The following VWDE variants were observed in gnomAD, a reference collection of about 807,000 sequenced individuals.
VWDE encodes the protein von Willebrand factor D and EGF domains.
A neutral mutation model predicts 178.4 loss-of-function variants in VWDE; 207 were observed. The observed-to-expected ratio is 1.16, with a 90% CI of 1.04 to 1.30. The LOEUF is 1.30. VWDE is among the 50% of genes most tolerant of loss of function. The pLI is 0.00. For synonymous variants in VWDE, 738 were observed against 651.4 expected, an observed-to-expected ratio of 1.13 and a Z score of -2.02; for missense variants, 2,287 against 1,901.3, an observed-to-expected ratio of 1.20 and a Z score of -3.77.
chr7:12,385,498 G>A (rs778151957), intron 3 of VWDE, among the ~76,000 whole-genome samples: 22 of 152,102 alleles, frequency 1.4e-4, no homozygotes, highest in Admixed American at 3.3e-4. Context: ...CTTTTATCCT[G>A]TCTAAATGCA....
At chr7:12,367,522 C>A in intron 12 of VWDE, 29 bp from the exon 13 acceptor site, 1 of 1,433,342 alleles carries the variant, frequency 7.0e-7, no homozygotes, top group Non-Finnish European at 9.2e-7. Flanking sequence ...ACAAATACTA[C>A]ATATTTTACT....
chr7:12,403,751 G>C lies in VWDE; in HGVS notation c.-35C>G. ...CGCAGGTGGGGCGAAAGGCGTCGCA[G>C]AGCCCGGGCCGCGGGTGCCAGGAGG... is the stretch of plus-strand genomic sequence containing the variant. On this transcript the variant is annotated 5_prime_UTR_variant, in exon 1 of 29. Coordinates refer to ENST00000275358, the MANE Select transcript of VWDE (RefSeq NM_001135924.3). 1 of 1,549,308 alleles carries C rather than the reference G, an allele frequency of 6.5e-7. No individual in the cohort carries two copies. Among genetic ancestry groups the C allele is most frequent in the Non-Finnish European group, 8.7e-7 (1 of 1,145,696 alleles).
At chr7:12,351,915 T>C (rs1220019261) in intron 18 of VWDE, among the ~76,000 whole-genome samples, 2 of 152,188 alleles carry the variant, frequency 1.3e-5, no homozygotes, top group Non-Finnish European at 2.9e-5. Flanking sequence ...GTTAAATCCC[T>C]ACTCCTACAT....
intron 16 of VWDE, 120 bp downstream of exon 16, chr7:12,359,453 TAGGAG>T: frequency 1.7e-6 from 1 of 598,130 alleles, no homozygotes; most frequent in Admixed American, 3.0e-5. Context: ...ATTTTGCAGT[TAGGAG>T]AGATGCTAAA....
chr7:12,391,663 A>G (rs545961988), intron 2 of VWDE, among the ~76,000 whole-genome samples: 90 of 152,344 alleles, frequency 5.9e-4, no homozygotes, highest in African/African-American at 2.1e-3. Context: ...CAAATAAACA[A>G]AAAAGAGATA....
intron 1 of VWDE, among the ~76,000 whole-genome samples, chr7:12,396,780 A>T (rs1401581390): frequency 6.6e-6 from 1 of 151,890 alleles, no homozygotes; most frequent in Non-Finnish European, 1.5e-5. Flanking sequence ...ATACAAAAAT[A>T]CAAAATCAGC....
At chr7:12,402,447 T>C (rs1321931184) in intron 1 of VWDE, among the ~76,000 whole-genome samples, 2 of 152,212 alleles carry the variant, frequency 1.3e-5, no homozygotes, top group Non-Finnish European at 2.9e-5. Context: ...GTTACCAATG[T>C]TATGAACTTA....
In VWDE at chr7:12,333,615, C is replaced by T. The variant is rs563781382; in HGVS notation, c.4655-47G>A. 1.8e-5 allele frequency: 23 copies of T among 1,310,116 alleles called. No homozygotes were observed. The East Asian group carries it at 5.3e-4, about 30-fold the overall frequency. 81.2% of individuals were successfully genotyped at this position (1,310,116 alleles called of 1,614,324 possible). A position where few individuals can be genotyped will look rare whatever the true frequency, so the allele number is the denominator to read the frequency against. ...AATGACCATCCTTTGACATGAAATG[C>T]TTGTGGCATATTCTATCCTAGTGGT... is the stretch of plus-strand genomic sequence containing the variant. On this transcript the variant is annotated intron_variant, in intron 27 of 28. Transcript: ENST00000275358.
At chr7:12,386,274 G>GCAT (rs1477240004) in intron 3 of VWDE, among the ~76,000 whole-genome samples, 1 of 151,900 alleles carries the variant, frequency 6.6e-6, no homozygotes, top group Non-Finnish European at 1.5e-5. Flanking sequence ...TGAGATTGAT[G>GCAT]CATCTCTCTG....
chr7:12,373,297 A>G lies in VWDE; in HGVS notation c.1317-50T>C, dbSNP rs1385686681. Reference sequence around the variant, plus strand: ...ATTAAAAAATCGTGTAAAATATCACAATAGTATGTTATTGATTTGCAACAG... The same window carrying G: ...ATTAAAAAATCGTGTAAAATATCACGATAGTATGTTATTGATTTGCAACAG... On this transcript the variant is annotated intron_variant, in intron 9 of 28. Transcript: ENST00000275358. 8 of 1,518,792 alleles carry G rather than the reference A, an allele frequency of 5.3e-6. 1 individual carries two copies. In the South Asian group the frequency reaches 6.1e-5, roughly 12 times the overall value. The allele number at this position is 1,518,792 out of a possible 1,614,324, so 94.1% of individuals were successfully genotyped here. A position where few individuals can be genotyped will look rare whatever the true frequency, so the allele number is the denominator to read the frequency against.
chr7:12,341,129 TTTTTATAA>T (rs1414818801), intron 23 of VWDE, among the ~76,000 whole-genome samples: 10 of 152,016 alleles, frequency 6.6e-5, no homozygotes, highest in African/African-American at 9.7e-5. Context: ...ATCATAGTCT[TTTTTATAA>T]TTTTATAATT....
At chr7:12,352,807 G>C (rs1239290788) in intron 18 of VWDE, among the ~76,000 whole-genome samples, 1 of 152,018 alleles carries the variant, frequency 6.6e-6, no homozygotes, top group East Asian at 1.9e-4. Flanking sequence ...TTAAACCAAA[G>C]GTATGGATCT....
At chr7:12,397,982 C>A (rs556250518) in intron 1 of VWDE, among the ~76,000 whole-genome samples, 156 of 152,264 alleles carry the variant, frequency 1.0e-3, no homozygotes, top group African/African-American at 3.6e-3. Context: ...TTAAATCAGT[C>A]ACTATGAAAA....
At position 12,375,112 on chromosome 7, in the gene VWDE, G is replaced by C. The variant is rs1159018761; in HGVS notation, c.1140C>G (p.Val380=). The part of the protein sequence containing the change: ...CSHTFVYYTA[V]TDFSRDGDRV... Reference sequence around the variant, plus strand: ...TATCTCCATCTCGAGAAAAATCTGTGACAGCAGTGTAGTACACAAAAGTGT... The same window carrying C: ...TATCTCCATCTCGAGAAAAATCTGTCACAGCAGTGTAGTACACAAAAGTGT... The change falls in exon 8 of 29, where the codon GTC becomes GTG. Residue 380 remains valine (V), a synonymous_variant. Transcript: ENST00000275358. The C allele has an allele frequency of 1.3e-6, 2 of 1,551,184 alleles. No individual in the cohort carries two copies. Among genetic ancestry groups the C allele is most frequent in the Admixed American group, 3.9e-5 (2 of 50,972 alleles).
In VWDE at chr7:12,367,431, A is replaced by G; in HGVS notation, c.2824T>C (p.Cys942Arg). 1 of 1,546,670 alleles carries G rather than the reference A, an allele frequency of 6.5e-7. No homozygotes were observed. The highest frequency in any genetic ancestry group is 8.7e-7 in the Non-Finnish European group (1 of 1,144,428). The change falls in exon 13 of 29, where the codon TGT becomes CGT. Residue 942 changes from cysteine (C) to arginine (R), a missense_variant. Coordinates refer to ENST00000275358, the MANE Select transcript of VWDE (RefSeq NM_001135924.3). ...TTGCCAAAAACTCTCACCATCATACAATTATATTTTTGAACATCACAGAAT... is the reference window on the plus strand; with the variant it reads ...TTGCCAAAAACTCTCACCATCATACGATTATATTTTTGAACATCACAGAAT... ...AGFCDVQKYN[C>R]MMVRVFGKGF...
rs1340821558 is a variant in VWDE at position 12,373,166 on chromosome 7, C to T, written c.1398G>A (p.Trp466Ter). ...SRDFEVHVRQWDCRSLHYPVS... is the reference protein window; with the variant it reads ...SRDFEVHVRQ ...CTGGATAGTGAAGGCTTCTGCAGTC[C>T]CACTGACGTACATGGACTTCAAAAT... The change falls in exon 10 of 29, where the codon TGG (tryptophan) becomes TGA (stop). Residue 466 changes from tryptophan (W) to a stop codon, truncating the protein, a stop_gained. Transcript: ENST00000275358. LOFTEE classifies it high-confidence loss of function. 6.4e-7 allele frequency: 1 copy of T among 1,551,268 alleles called. No homozygotes were observed. Among genetic ancestry groups the T allele is most frequent in the Non-Finnish European group, 8.7e-7 (1 of 1,146,778 alleles).
Position 12,370,344 on chromosome 7 carries a change from A to C in VWDE, c.1962T>G (p.Asn654Lys). 3.2e-6 allele frequency: 5 copies of C among 1,551,224 alleles called. No individual in the cohort carries two copies. Among genetic ancestry groups the C allele is most frequent in the Non-Finnish European group, 4.4e-6 (5 of 1,146,830 alleles). Residue 654 changes from asparagine (N) to lysine (K), a missense_variant, in exon 12 of 29, where the codon AAT becomes AAG. By Grantham distance (94) the Asn-to-Lys change is moderately conservative (BLOSUM62 0). Transcript: ENST00000275358. ...SEIALGCKDL[N>K]HVSLSSLIPE... Reference sequence around the variant, plus strand: ...GTATCAAAGAAGATAAGCTGACATGATTGAGGTCTTTGCAACCCAAGGCAA... The same window carrying C: ...GTATCAAAGAAGATAAGCTGACATGCTTGAGGTCTTTGCAACCCAAGGCAA...
chr7:12,359,206 A>T (rs1483469862), intron 16 of VWDE, among the ~76,000 whole-genome samples: 1 of 152,178 alleles, frequency 6.6e-6, no homozygotes, highest in African/African-American at 2.4e-5. Context: ...ACATCACACA[A>T]CAGTAGTACT....
chr7:12,399,361 C>A (rs1784790143), intron 1 of VWDE, among the ~76,000 whole-genome samples: 1 of 152,082 alleles, frequency 6.6e-6, no homozygotes, highest in Non-Finnish European at 1.5e-5. Context: ...ATAAAAGGGT[C>A]AATCCGTGAG....
Sources: gnomAD v4.1 joint callset for allele counts (sites outside exome capture counted in the v4.1 genomes callset) on GRCh38, gnomAD v4.1.1 for gene constraint, MANE v1.5 for transcripts, NCBI Gene and HGNC (gene_info 2026-07-23, HGNC 2026-07-21) for gene names.